PTK2: variants seen among roughly 807,000 people sequenced by gnomAD.
PTK2 encodes the protein protein tyrosine kinase 2.
PTK2 carries 45 observed loss-of-function variants against 150.1 expected under a neutral mutation model. The ratio of observed to expected loss-of-function variants is 0.30; its 90% CI spans 0.24 to 0.38. The LOEUF (loss-of-function observed/expected upper bound fraction) is 0.38, where lower values mean the gene tolerates loss of function less well. Ranked by LOEUF, PTK2 falls within the 10% of genes least tolerant of loss-of-function variation. The pLI, the probability that PTK2 is intolerant of heterozygous loss-of-function variation, is 1.00. For missense variants in PTK2, 919 were observed against 1,307.3 expected (o/e 0.70, Z 4.58); for synonymous variants, 432 against 449.2 (o/e 0.96, Z 0.48).
chr8:140,950,140 C>T (rs890023979), intron 1 of PTK2, among the ~76,000 whole-genome samples: 1 of 152,230 alleles, frequency 6.6e-6, no homozygotes, highest in Middle Eastern at 3.2e-3. Context: ...CTCCAGTTGT[C>T]CATGTACCTC....
chr8:140,683,845 G>A (rs895771095), intron 27 of PTK2, among the ~76,000 whole-genome samples: 2 of 150,216 alleles, frequency 1.3e-5, no homozygotes, highest in Non-Finnish European at 1.5e-5. Flanking sequence ...AGGTAATGAA[G>A]GAACATAACT....
At chr8:140,808,779 A>T (rs1470112138) in intron 10 of PTK2, among the ~76,000 whole-genome samples, 1 of 132,954 alleles carries the variant, frequency 7.5e-6, no homozygotes, top group Non-Finnish European at 1.5e-5. Context: ...TCTGTCGTCC[A>T]GCATGGAGTG....
chr8:140,722,671 G>C (rs150349743), intron 22 of PTK2, among the ~76,000 whole-genome samples: 2 of 152,288 alleles, frequency 1.3e-5, no homozygotes, highest in Non-Finnish European at 2.9e-5. Context: ...TGGCCTGAGA[G>C]AGAAGCACAT....
chr8:140,683,150 A>G (rs1416430320), intron 27 of PTK2, among the ~76,000 whole-genome samples: 1 of 152,204 alleles, frequency 6.6e-6, no homozygotes, highest in African/African-American at 2.4e-5. Flanking sequence ...AAATACAATC[A>G]GCAACGACAA....
intron 7 of PTK2, among the ~76,000 whole-genome samples, chr8:140,831,458 C>T (rs1350338398): frequency 2.0e-5 from 3 of 152,126 alleles, no homozygotes; most frequent in Non-Finnish European, 2.9e-5. Context: ...CTTCTTCATC[C>T]GTAACTGTTA....
intron 2 of PTK2, among the ~76,000 whole-genome samples, chr8:140,898,350 T>C (rs2100157145): frequency 6.6e-6 from 1 of 152,328 alleles, no homozygotes; most frequent in African/African-American, 2.4e-5. Context: ...TACACTTTAC[T>C]GAGTCCTGGC....
chr8:140,713,380 C>T (rs2100037849), intron 23 of PTK2, among the ~76,000 whole-genome samples: 1 of 152,214 alleles, frequency 6.6e-6, no homozygotes, highest in South Asian at 2.1e-4. Context: ...TGTGCCTCAG[C>T]CTCCTGGGTA....
chr8:140,960,488 A>G (rs940094968), intron 1 of PTK2, among the ~76,000 whole-genome samples: 3 of 152,096 alleles, frequency 2.0e-5, no homozygotes, highest in Admixed American at 2.0e-4. Context: ...GATTACAGGT[A>G]TGAGCCACCG....
chr8:140,959,408 G>A (rs1388355524), intron 1 of PTK2, among the ~76,000 whole-genome samples: 1 of 151,178 alleles, frequency 6.6e-6, no homozygotes, highest in African/African-American at 2.4e-5. Flanking sequence ...GCATGGTGGC[G>A]GGTGCCTGTA....
intron 14 of PTK2, among the ~76,000 whole-genome samples, chr8:140,781,293 T>A (rs1194328538): frequency 6.6e-6 from 1 of 152,216 alleles, no homozygotes; most frequent in Non-Finnish European, 1.5e-5. Context: ...GTTTTAATAA[T>A]ATATTTTTTT....
In PTK2 at chr8:140,678,988, C is replaced by T. The variant is rs182252821; in HGVS notation, c.2563-3489G>A. Among the ~76,000 whole-genome samples, 1,049 of 141,686 alleles carry T rather than the reference C, an allele frequency of 7.4e-3. 17 individuals carry two copies. The highest frequency in any genetic ancestry group is 0.026 in the African/African-American group (976 of 37,664). 93.0% of individuals were successfully genotyped at this position (141,686 alleles called of 152,430 possible). On this transcript the variant is annotated intron_variant, in intron 27 of 31. Coordinates refer to ENST00000522684, the Ensembl canonical transcript of PTK2. ...TTCCAGTCAGCCAGCTCACGGCCAG[C>T]TGAGTGCTCCCCATGTTTTTTTTTT... is the stretch of plus-strand genomic sequence containing the variant.
chr8:140,793,498 T>C, intron 12 of PTK2, 114 bp from the exon 13 acceptor site: 3 of 1,145,270 alleles, frequency 2.6e-6, no homozygotes, highest in Non-Finnish European at 3.7e-6. Context: ...GCAATGACCC[T>C]TTAAAGAAAG....
In PTK2 at chr8:140,806,397, C is replaced by T. The variant is rs115921787; in HGVS notation, c.868-2747G>A. On this transcript the variant is annotated intron_variant, in intron 10 of 31. Coordinates refer to ENST00000522684, the Ensembl canonical transcript of PTK2. The stretch of plus-strand genomic sequence containing the variant: ...CATCTGTAGCTACTGCATGCACGTA[C>T]GTAACAGAGGATGTCGGAGGCGCCT... 4.5e-3 allele frequency among the ~76,000 whole-genome samples: 686 copies of T among 152,124 alleles called. 4 individuals carry two copies. The highest frequency in any genetic ancestry group is 0.016 in the African/African-American group (648 of 41,480).
At chr8:140,839,845 T>G (rs1258880469) in intron 7 of PTK2, among the ~76,000 whole-genome samples, 1 of 152,176 alleles carries the variant, frequency 6.6e-6, no homozygotes, top group Non-Finnish European at 1.5e-5. Context: ...TTATTCCAAC[T>G]GGATTTATAA....
chr8:140,912,139 A>G (rs1186872360), intron 2 of PTK2, among the ~76,000 whole-genome samples: 1 of 152,130 alleles, frequency 6.6e-6, no homozygotes, highest in African/African-American at 2.4e-5. Flanking sequence ...GCTACTCAGG[A>G]GGCTGAGGCA....
At chr8:140,891,458 TGAAGG>T (rs1259525080) in intron 2 of PTK2, among the ~76,000 whole-genome samples, 1 of 151,996 alleles carries the variant, frequency 6.6e-6, no homozygotes, top group Non-Finnish European at 1.5e-5. Flanking sequence ...AAACAATGTT[TGAAGG>T]GCTCAGAGAC....
intron 29 of PTK2, 93 bp downstream of exon 33, chr8:140,669,634 T>G: frequency 7.0e-7 from 1 of 1,428,666 alleles, no homozygotes; most frequent in Non-Finnish European, 9.5e-7. Context: ...GCCCTCCCAC[T>G]TGGGCTTCCT....
At chr8:140,913,654 G>C (rs2154608055) in intron 2 of PTK2, among the ~76,000 whole-genome samples, 1 of 152,072 alleles carries the variant, frequency 6.6e-6, no homozygotes. Flanking sequence ...AAAACACCCA[G>C]ACCACCACAT....
chr8:140,689,962 TA>T (rs1185272020), intron 26 of PTK2, among the ~76,000 whole-genome samples: 3 of 152,192 alleles, frequency 2.0e-5, no homozygotes, highest in Non-Finnish European at 4.4e-5. Flanking sequence ...TTTATTTATT[TA>T]TTTTTTTGAG....
Sources: gnomAD v4.1 joint callset for allele counts (sites outside exome capture counted in the v4.1 genomes callset) on GRCh38, gnomAD v4.1.1 for gene constraint, MANE v1.5 for transcripts, NCBI Gene and HGNC (gene_info 2026-07-23, HGNC 2026-07-21) for gene names.